ZNF565: variants seen among roughly 807,000 people sequenced by gnomAD.
ZNF565 encodes zinc finger protein 565.
In ZNF565, 27 loss-of-function variants were observed where a neutral mutation model predicts 39.4. That is an observed-to-expected ratio of 0.69 (90% CI 0.51 to 0.95). ZNF565 has a LOEUF of 0.95. Ranked by LOEUF, ZNF565 falls within the 40% of genes least tolerant of loss-of-function variation. The pLI, the probability that ZNF565 is intolerant of heterozygous loss-of-function variation, is 0.00. For missense variants in ZNF565, 524 were observed against 621.1 expected (o/e 0.84, Z 1.66); for synonymous variants, 185 against 216.6 (o/e 0.85, Z 1.28).
intron 1 of ZNF565, 144 bp from the exon 2 acceptor site, chr19:36,202,194 G>A: frequency 1.6e-6 from 1 of 612,312 alleles, no homozygotes; most frequent in South Asian, 1.9e-5. Flanking sequence ...TACCACACAA[G>A]AACTAACATT....
At chr19:36,210,463 G>A (rs1341333929) in intron 1 of ZNF565, among the ~76,000 whole-genome samples, 6 of 150,026 alleles carry the variant, frequency 4.0e-5, no homozygotes, top group Non-Finnish European at 8.9e-5. Flanking sequence ...TGGAGAGAAG[G>A]CTAGAATGAA....
At position 36,202,014 on chromosome 19, in the gene ZNF565, A is replaced by C; in HGVS notation, c.-29T>G. 1.2e-6 allele frequency: 2 copies of C among 1,614,008 alleles called. No individual in the cohort carries two copies. The highest frequency in any genetic ancestry group is 1.7e-6 in the Non-Finnish European group (2 of 1,179,924). ...TTTTAGAACTATTTGACCTGCTCTG[A>C]TTTCTCTGGATTCTTCTCTTGGACA... is the stretch of plus-strand genomic sequence containing the variant. On this transcript the variant is annotated 5_prime_UTR_variant, in exon 2 of 5. Transcript: ENST00000304116.
At position 36,214,130 on chromosome 19, in the gene ZNF565, G is replaced by GCATACACAGCACCA. The variant is rs574604815; in HGVS notation, c.-66+478_-66+491dup. Among the ~76,000 whole-genome samples, 50 of 151,780 alleles carry GCATACACAGCACCA rather than the reference G, an allele frequency of 3.3e-4. No homozygotes were observed. In the East Asian group the frequency reaches 9.7e-3, roughly 29 times the overall value. ...ACACAAGCAGTGGCACCCCACTCCCGCATACACAGCACCACACACATACAC... is the reference window on the plus strand; with the variant it reads ...ACACAAGCAGTGGCACCCCACTCCCGCATACACAGCACCACATACACAGCACCACACACATACAC... On this transcript the variant is annotated intron_variant, in intron 1 of 4. Coordinates refer to ENST00000304116, the MANE Select transcript of ZNF565 (RefSeq NM_152477.5).
upstream of ZNF565, among the ~76,000 whole-genome samples, chr19:36,218,820 G>T (rs1976719446): frequency 7.0e-6 from 1 of 142,914 alleles, no homozygotes; most frequent in Non-Finnish European, 1.5e-5. Context: ...TTTTTTTGGT[G>T]GAGGGGGGGA....
chr19:36,208,091 G>C (rs545412082), intron 1 of ZNF565, among the ~76,000 whole-genome samples: 19 of 152,230 alleles, frequency 1.2e-4, no homozygotes, highest in African/African-American at 4.6e-4. Flanking sequence ...TTTTTAAAAA[G>C]AGGAAGCTTC....
rs142608624 is a variant in ZNF565, at chr19:36,207,963, A to T, written c.-65-5913T>A. Reference sequence around the variant, plus strand: ...GTGACTCTGTAAGCCACTGAGATTCAGGGGTTGTTTGCCACCACAGCATAA... The same window carrying T: ...GTGACTCTGTAAGCCACTGAGATTCTGGGGTTGTTTGCCACCACAGCATAA... On this transcript the variant is annotated intron_variant, in intron 1 of 4. Coordinates refer to ENST00000304116, the MANE Select transcript of ZNF565 (RefSeq NM_152477.5). Among the ~76,000 whole-genome samples the T allele has an allele frequency of 4.6e-3, 707 of 152,292 alleles. 5 individuals are homozygous for T. The highest frequency in any genetic ancestry group is 0.015 in the African/African-American group (609 of 41,572).
At chr19:36,184,340 C>T (rs536856563) in intron 4 of ZNF565, among the ~76,000 whole-genome samples, 1 of 151,814 alleles carries the variant, frequency 6.6e-6, no homozygotes, top group Non-Finnish European at 1.5e-5. Flanking sequence ...AATCTTGGCT[C>T]ACGCAACCTC....
At chr19:36,182,214 A>G, downstream of ZNF565, 1 of 378,230 alleles carries the variant, frequency 2.6e-6, no homozygotes, top group African/African-American at 2.2e-5. Flanking sequence ...CATATTTTGA[A>G]TGGCAAGAAG....
intron 4 of ZNF565, among the ~76,000 whole-genome samples, chr19:36,186,313 C>G (rs1975298083): frequency 6.6e-6 from 1 of 152,118 alleles, no homozygotes; most frequent in Non-Finnish European, 1.5e-5. Context: ...CTCACACTTT[C>G]AAGAAAGCTC....
chr19:36,210,117 T>C (rs908750560), intron 1 of ZNF565, among the ~76,000 whole-genome samples: 3 of 151,290 alleles, frequency 2.0e-5, no homozygotes, highest in Non-Finnish European at 2.9e-5. Context: ...CTTAAAATTA[T>C]ATTTAAAAAA....
chr19:36,198,841 C>T (rs1975856913), intron 2 of ZNF565, among the ~76,000 whole-genome samples: 1 of 152,138 alleles, frequency 6.6e-6, no homozygotes, highest in Non-Finnish European at 1.5e-5. Context: ...CTCAAGTGAT[C>T]CACCTGCCTT....
chr19:36,194,979 A>G (rs778295309), intron 3 of ZNF565, 51 bp downstream of exon 3: 1 of 1,613,906 alleles, frequency 6.2e-7, no homozygotes, highest in South Asian at 1.1e-5. Context: ...CCATGGTTGT[A>G]GTCCCTGTTG....
At chr19:36,219,736 T>C (rs1437278845) in intron 1 of ZNF565, among the ~76,000 whole-genome samples, 1 of 152,182 alleles carries the variant, frequency 6.6e-6, no homozygotes, top group Non-Finnish European at 1.5e-5. Flanking sequence ...TTTCTACAGG[T>C]ATTGTAAAGT....
chr19:36,215,872 AT>A (rs1568426986), upstream of ZNF565, among the ~76,000 whole-genome samples: 1 of 152,138 alleles, frequency 6.6e-6, no homozygotes, highest in Non-Finnish European at 1.5e-5. Context: ...AGTTATCCTC[AT>A]TTTTTGAAGA....
At chr19:36,235,159 A>T (rs1977594244) in intron 1 of ZNF565, among the ~76,000 whole-genome samples, 1 of 151,612 alleles carries the variant, frequency 6.6e-6, no homozygotes, top group Admixed American at 6.6e-5. Context: ...CAGTGAGCCG[A>T]GATCGCACCA....
intron 4 of ZNF565, among the ~76,000 whole-genome samples, chr19:36,188,762 A>C (rs955838707): frequency 6.6e-6 from 1 of 152,152 alleles, no homozygotes; most frequent in Non-Finnish European, 1.5e-5. Context: ...AGATGAGTGA[A>C]TAAACAAAGT....
intron 2 of ZNF565, among the ~76,000 whole-genome samples, chr19:36,201,075 G>C (rs1975946795): frequency 6.6e-6 from 1 of 152,142 alleles, no homozygotes; most frequent in African/African-American, 2.4e-5. Context: ...GTACTAGGAG[G>C]CTAACCAATT....
intron 1 of ZNF565, among the ~76,000 whole-genome samples, chr19:36,229,249 A>G (rs191249589): frequency 6.6e-6 from 1 of 152,210 alleles, no homozygotes; most frequent in East Asian, 1.9e-4. Flanking sequence ...CTGTTCTCAC[A>G]CTTCCCGTTG....
At chr19:36,204,240 G>C (rs1047454906) in intron 1 of ZNF565, among the ~76,000 whole-genome samples, 1 of 151,980 alleles carries the variant, frequency 6.6e-6, no homozygotes, top group Non-Finnish European at 1.5e-5. Flanking sequence ...GTGAGCCACC[G>C]AGCCCAGCTA....
Sources: gnomAD v4.1 joint callset for allele counts (sites outside exome capture counted in the v4.1 genomes callset) on GRCh38, gnomAD v4.1.1 for gene constraint, MANE v1.5 for transcripts, NCBI Gene and HGNC (gene_info 2026-07-23, HGNC 2026-07-21) for gene names.